Variants in FBXO34 observed in about 807,000 individuals in gnomAD.
FBXO34 encodes the protein F-box protein 34, also known as F-box only protein 34.
FBXO34 carries 12 observed loss-of-function variants against 24.5 expected under a neutral mutation model. That is an observed-to-expected ratio of 0.49 (90% CI 0.31 to 0.79). The LOEUF (loss-of-function observed/expected upper bound fraction) is 0.79, where lower values mean the gene tolerates loss of function less well. FBXO34 is among the 30% of genes least tolerant of loss of function. The probability of loss-of-function intolerance (pLI) is 0.04; values close to 1 mark genes in which losing one functional copy is unlikely to be tolerated. For synonymous variants in FBXO34, 320 were observed against 311.9 expected (o/e 1.03, Z -0.27); for missense variants, 823 against 857.7 (o/e 0.96, Z 0.51).
chr14:55,310,882 G>A (rs1200201332), intron 1 of FBXO34, among the ~76,000 whole-genome samples: 5 of 151,666 alleles, frequency 3.3e-5, no homozygotes, highest in Admixed American at 3.3e-4. Flanking sequence ...TATCTGAACT[G>A]TTTTATAAAC....
At chr14:55,315,620 T>C (rs1328509461) in intron 1 of FBXO34, among the ~76,000 whole-genome samples, 2 of 152,328 alleles carry the variant, frequency 1.3e-5, no homozygotes, top group East Asian at 3.9e-4. Flanking sequence ...GATTGTATGG[T>C]TGGGTATAAA....
At chr14:55,348,434 G>A (rs188472356) in intron 1 of FBXO34, among the ~76,000 whole-genome samples, 2 of 152,246 alleles carry the variant, frequency 1.3e-5, no homozygotes, top group Admixed American at 6.5e-5. Context: ...GTCTTGCCGC[G>A]TTGCCCAGGC....
At chr14:55,439,978 A>T in the FBXO34 span, among the ~76,000 whole-genome samples, 73,496 of 143,490 alleles carry the variant, frequency 0.51, 19,109 homozygotes, top group East Asian at 0.64. Context: ...CGTGTGCCTG[A>T]AATCCCAGCT....
chr14:55,428,984 G>A, the FBXO34 span: 3 of 1,613,474 alleles, frequency 1.9e-6, no homozygotes, highest in Admixed American at 3.3e-5. Context: ...ACTGGGGAGG[G>A]GCAAATATGT....
the FBXO34 span, chr14:55,429,094 G>C: frequency 1.6e-6 from 2 of 1,270,150 alleles, no homozygotes; most frequent in Non-Finnish European, 2.2e-6. Context: ...CTATGAAGCT[G>C]TAGGCTTTGT....
chr14:55,298,509 G>A (rs1882218700), intron 1 of FBXO34: 1 of 603,080 alleles, frequency 1.7e-6, no homozygotes, highest in Non-Finnish European at 3.0e-6. Flanking sequence ...GTTTGTACCA[G>A]TTTTATCCTA....
chr14:55,290,913 G>A lies in FBXO34; in HGVS notation c.-11+19376G>A, dbSNP rs145645465. Among the ~76,000 whole-genome samples the A allele has an allele frequency of 5.4e-3, 819 of 152,224 alleles. 8 individuals are homozygous for A. Among genetic ancestry groups the A allele is most frequent in the African/African-American group, 0.019 (780 of 41,542 alleles). Reference sequence around the variant, plus strand: ...CAGCTCACTGCAACTTCTGCCTCCGGAGTTCAAGTGATTTTCCTGCCTCAG... The same window carrying A: ...CAGCTCACTGCAACTTCTGCCTCCGAAGTTCAAGTGATTTTCCTGCCTCAG... On this transcript the variant is annotated intron_variant, in intron 1 of 1. Transcript: ENST00000313833.
chr14:55,440,098 A>AAATC, the FBXO34 span, among the ~76,000 whole-genome samples: 3,519 of 151,340 alleles, frequency 0.023, 120 homozygotes, highest in African/African-American at 0.074. Context: ...TCTCAGAGAA[A>AAATC]AATCAATCAA....
the FBXO34 span, chr14:55,411,585 C>CGTGGCGGCCGCCGTACCTCTCCCG: frequency 6.3e-7 from 1 of 1,592,702 alleles, no homozygotes; most frequent in Non-Finnish European, 8.5e-7. Context: ...ACAATAGGGC[C>CGTGGCGGCCGCCGTACCTCTCCCG]GTGGCGGCCG....
At chr14:55,327,747 ACGTTC>A (rs1348643033) in intron 1 of FBXO34, among the ~76,000 whole-genome samples, 2 of 152,018 alleles carry the variant, frequency 1.3e-5, no homozygotes, top group Non-Finnish European at 2.9e-5. Context: ...CTTGGAGGAT[ACGTTC>A]CATGGCCTCC....
At chr14:55,391,947 A>G in the FBXO34 span, among the ~76,000 whole-genome samples, 1 of 152,322 alleles carries the variant, frequency 6.6e-6, no homozygotes, top group East Asian at 1.9e-4. Context: ...ATGAAACATG[A>G]AATTGACTCT....
the FBXO34 span, chr14:55,382,029 G>A: frequency 6.2e-7 from 1 of 1,614,126 alleles, no homozygotes; most frequent in Non-Finnish European, 8.5e-7. Flanking sequence ...CATTGTTAGG[G>A]AGGCTAATCC....
intron 1 of FBXO34, chr14:55,298,641 G>C (rs1882226461): frequency 6.9e-7 from 1 of 1,446,994 alleles, no homozygotes; most frequent in African/African-American, 1.4e-5. Context: ...GGCGCGGCGA[G>C]CGCTGTTCGG....
the FBXO34 span, chr14:55,435,891 T>A: frequency 6.3e-7 from 1 of 1,578,576 alleles, no homozygotes; most frequent in Non-Finnish European, 8.5e-7. Context: ...GCTATTTTCT[T>A]CAGATCCAAC....
At chr14:55,340,001 G>A (rs1455169003) in intron 1 of FBXO34, among the ~76,000 whole-genome samples, 1 of 152,156 alleles carries the variant, frequency 6.6e-6, no homozygotes, top group Non-Finnish European at 1.5e-5. Context: ...CTCCCACTCA[G>A]TATTGCTGAC....
At chr14:55,440,576 G>A in the FBXO34 span, 1 of 1,560,410 alleles carries the variant, frequency 6.4e-7, no homozygotes, top group Non-Finnish European at 8.7e-7. Context: ...AGGCGGGGCG[G>A]CCCTCGGCCC....
At chr14:55,424,305 C>A in the FBXO34 span, 1 of 1,194,710 alleles carries the variant, frequency 8.4e-7, no homozygotes, top group South Asian at 1.3e-5. Context: ...CAGCTCCTTT[C>A]CCATAACATG....
intron 1 of FBXO34, among the ~76,000 whole-genome samples, chr14:55,274,832 A>G (rs1384315165): frequency 1.3e-5 from 2 of 152,208 alleles, no homozygotes; most frequent in African/African-American, 4.8e-5. Flanking sequence ...ATTTAGTGTT[A>G]TCTTCCAAAA....
downstream of FBXO34, among the ~76,000 whole-genome samples, chr14:55,358,494 C>T (rs372747549): frequency 8.1e-4 from 123 of 152,266 alleles, no homozygotes; most frequent in African/African-American, 2.9e-3. Flanking sequence ...CTTCTCAGGA[C>T]GAAGGGATCT....
Sources: allele counts gnomAD v4.1 joint callset (sites outside exome capture counted in the v4.1 genomes callset), GRCh38; gene constraint gnomAD v4.1.1; transcripts MANE v1.5; gene names NCBI Gene and HGNC (gene_info 2026-07-23, HGNC 2026-07-21).